The following FBXL7 variants were observed in gnomAD, a reference collection of about 807,000 sequenced individuals.
FBXL7 encodes the protein F-box/LRR-repeat protein 7.
FBXL7 carries 12 observed loss-of-function variants against 38.3 expected under a neutral mutation model. The ratio of observed to expected loss-of-function variants is 0.31; its 90% CI spans 0.20 to 0.51. The LOEUF is 0.51. FBXL7 is among the 20% of genes least tolerant of loss of function. The pLI, the probability that FBXL7 is intolerant of heterozygous loss-of-function variation, is 0.98. For missense variants in FBXL7, 567 were observed against 676.4 expected, an observed-to-expected ratio of 0.84 and a Z score of 1.79; for synonymous variants, 297 against 300.9, an observed-to-expected ratio of 0.99 and a Z score of 0.13.
intron 2 of FBXL7, among the ~76,000 whole-genome samples, chr5:15,699,038 T>C (rs1056937412): frequency 1.3e-5 from 2 of 152,176 alleles, no homozygotes; most frequent in African/African-American, 4.8e-5. Flanking sequence ...CCCCAATTCT[T>C]TGTGAGGTAG....
At chr5:15,906,631 G>A in intron 2 of FBXL7, among the ~76,000 whole-genome samples, 1 of 126,618 alleles carries the variant, frequency 7.9e-6, no homozygotes, top group Admixed American at 8.2e-5. Flanking sequence ...GTGTCATCTA[G>A]CATTAGGTAT....
intron 2 of FBXL7, among the ~76,000 whole-genome samples, chr5:15,822,141 A>C (rs1188458458): frequency 6.6e-6 from 1 of 151,458 alleles, no homozygotes; most frequent in African/African-American, 2.4e-5. Context: ...TCACGAGGTC[A>C]GGAGATCGAG....
At chr5:15,509,658 C>T (rs571868039) in intron 1 of FBXL7, among the ~76,000 whole-genome samples, 13 of 152,082 alleles carry the variant, frequency 8.5e-5, no homozygotes, top group Middle Eastern at 3.2e-3. Flanking sequence ...AGAGTGTAGG[C>T]TCTTGGGAGA....
intron 1 of FBXL7, among the ~76,000 whole-genome samples, chr5:15,520,417 T>G (rs1265414935): frequency 2.0e-5 from 3 of 152,174 alleles, no homozygotes; most frequent in African/African-American, 4.8e-5. Flanking sequence ...CGGGGGAGAA[T>G]TTCATTGTTC....
chr5:15,648,171 A>G (rs1295376006), intron 2 of FBXL7, among the ~76,000 whole-genome samples: 1 of 152,246 alleles, frequency 6.6e-6, no homozygotes, highest in Non-Finnish European at 1.5e-5. Context: ...TTGAGTACAC[A>G]TTGAAAATGT....
At chr5:15,537,982 A>G (rs904533353) in intron 1 of FBXL7, among the ~76,000 whole-genome samples, 1 of 152,188 alleles carries the variant, frequency 6.6e-6, no homozygotes, top group African/African-American at 2.4e-5. Context: ...GAGGATGAGT[A>G]CCCCAGATAA....
chr5:15,665,941 A>G (rs771546051), intron 2 of FBXL7, among the ~76,000 whole-genome samples: 1 of 152,182 alleles, frequency 6.6e-6, no homozygotes, highest in Non-Finnish European at 1.5e-5. Flanking sequence ...CTGTATCTAT[A>G]TAAAGTGAAC....
At chr5:15,905,723 A>C (rs1741341658) in intron 2 of FBXL7, among the ~76,000 whole-genome samples, 1 of 152,304 alleles carries the variant, frequency 6.6e-6, no homozygotes, top group Admixed American at 6.5e-5. Flanking sequence ...ACTTATGAAG[A>C]TAAACAAAGT....
chr5:15,533,914 C>A (rs1327233747), intron 1 of FBXL7, among the ~76,000 whole-genome samples: 1 of 152,122 alleles, frequency 6.6e-6, no homozygotes, highest in Non-Finnish European at 1.5e-5. Context: ...TTGAACAAAA[C>A]ATTCCTAGTT....
At chr5:15,753,188 CCCCGT>C (rs1237327620) in intron 2 of FBXL7, among the ~76,000 whole-genome samples, 2 of 152,024 alleles carry the variant, frequency 1.3e-5, no homozygotes, top group Non-Finnish European at 2.9e-5. Flanking sequence ...CTCTTTTTTT[CCCCGT>C]ATAGTGCTTG....
chr5:15,621,881 C>T (rs981753989), intron 2 of FBXL7, among the ~76,000 whole-genome samples: 18 of 152,144 alleles, frequency 1.2e-4, no homozygotes, highest in African/African-American at 4.3e-4. Context: ...AGGGTCTTGT[C>T]AATTTTTGGA....
chr5:15,916,500 C>T (rs564231797), intron 2 of FBXL7, among the ~76,000 whole-genome samples: 1 of 152,214 alleles, frequency 6.6e-6, no homozygotes, highest in South Asian at 2.1e-4. Flanking sequence ...GAGTGCAACC[C>T]TTGGGGAACA....
At chr5:15,903,206 A>G (rs1215491488) in intron 2 of FBXL7, among the ~76,000 whole-genome samples, 1 of 152,250 alleles carries the variant, frequency 6.6e-6, no homozygotes, top group African/African-American at 2.4e-5. Flanking sequence ...ATGTTTCTTA[A>G]AAGATCAGAC....
intron 2 of FBXL7, among the ~76,000 whole-genome samples, chr5:15,681,661 A>G (rs1411681778): frequency 6.6e-6 from 1 of 152,288 alleles, no homozygotes; most frequent in South Asian, 2.1e-4. Context: ...ATTTAGAAAA[A>G]CTGTACTTTT....
At chr5:15,796,275 A>G (rs1336724073) in intron 2 of FBXL7, among the ~76,000 whole-genome samples, 2 of 152,182 alleles carry the variant, frequency 1.3e-5, no homozygotes, top group Admixed American at 6.5e-5. Flanking sequence ...GTCCTCTAAC[A>G]TTAGAGGGTG....
intron 2 of FBXL7, among the ~76,000 whole-genome samples, chr5:15,835,367 A>T (rs1356419420): frequency 6.6e-6 from 1 of 152,242 alleles, no homozygotes; most frequent in East Asian, 1.9e-4. Context: ...GAATGAGAAA[A>T]ACAAAATCTT....
chr5:15,612,039 C>A (rs1370494088), intron 1 of FBXL7, among the ~76,000 whole-genome samples: 1 of 151,742 alleles, frequency 6.6e-6, no homozygotes, highest in Non-Finnish European at 1.5e-5. Context: ...TAATTAAATT[C>A]TCAGGCATTT....
intron 2 of FBXL7, among the ~76,000 whole-genome samples, chr5:15,764,181 A>G (rs1357206527): frequency 1.3e-5 from 2 of 152,302 alleles, no homozygotes; most frequent in East Asian, 3.9e-4. Flanking sequence ...ATTGAGTATC[A>G]ATATGTTGTT....
At chr5:15,900,567 T>A (rs6554904) in intron 2 of FBXL7, among the ~76,000 whole-genome samples, 152,162 of 152,336 alleles carry the variant, frequency 1, 75,998 homozygotes, top group Non-Finnish European at 1. Flanking sequence ...CAGCAAACGT[T>A]TTATTTTGGA....
Sources: allele counts gnomAD v4.1 joint callset (sites outside exome capture counted in the v4.1 genomes callset), GRCh38; gene constraint gnomAD v4.1.1; transcripts MANE v1.5; gene names NCBI Gene and HGNC (gene_info 2026-07-23, HGNC 2026-07-21).